The following KMT2E variants were observed in gnomAD, a reference collection of about 807,000 sequenced individuals.
KMT2E encodes histone reader KMT2E.
In KMT2E, 30 loss-of-function variants were observed where a neutral mutation model predicts 184.6. The ratio of observed to expected loss-of-function variants is 0.16; its 90% CI spans 0.12 to 0.22. KMT2E has a LOEUF of 0.22. Ranked by LOEUF, KMT2E falls within the 10% of genes least tolerant of loss-of-function variation. The pLI is 1.00. For synonymous variants in KMT2E, 815 were observed against 776.5 expected, an observed-to-expected ratio of 1.05 and a Z score of -0.82; for missense variants, 2,023 against 2,237.4, an observed-to-expected ratio of 0.90 and a Z score of 1.93.
At chr7:105,067,027 A>G (rs1797053350) in intron 6 of KMT2E, among the ~76,000 whole-genome samples, 1 of 146,644 alleles carries the variant, frequency 6.8e-6, no homozygotes, top group Non-Finnish European at 1.5e-5. Context: ...ACTGCACTCC[A>G]GCCTGGGTGA....
chr7:105,023,309 G>A lies in KMT2E; in HGVS notation c.-189+8774G>A, dbSNP rs374625124. 2.7e-5 allele frequency among the ~76,000 whole-genome samples: 4 copies of A among 149,246 alleles called. No homozygotes were observed. In the East Asian group the frequency reaches 6.2e-4, roughly 23 times the overall value. ...CCCAGCTACTTGGGAGGCTGGGGCA[G>A]GACAATCGCTTGAACCTGGGAGGCA... On this transcript the variant is annotated intron_variant, in intron 1 of 26. Transcript: ENST00000311117.
intron 26 of KMT2E, 115 bp downstream of exon 26, chr7:105,110,983 TG>T: frequency 1.4e-6 from 1 of 700,748 alleles, no homozygotes. Flanking sequence ...TTGTGACTTC[TG>T]GACACTTTTC....
chr7:105,101,832 A>C (rs1025764334), intron 16 of KMT2E, 54 bp from the exon 17 acceptor site: 1 of 1,349,834 alleles, frequency 7.4e-7, no homozygotes, highest in Non-Finnish European at 1.0e-6. Context: ...TATTATATTT[A>C]AACTTTATAT....
chr7:105,030,247 T>C (rs1212418546), intron 1 of KMT2E, among the ~76,000 whole-genome samples: 1 of 152,178 alleles, frequency 6.6e-6, no homozygotes, highest in Non-Finnish European at 1.5e-5. Flanking sequence ...TATTTACAGG[T>C]GAGGAAACAG....
chr7:105,107,064 C>A, intron 20 of KMT2E, 102 bp from the exon 21 acceptor site: 1 of 719,332 alleles, frequency 1.4e-6, no homozygotes, highest in Non-Finnish European at 2.2e-6. Context: ...AGATCTAAAA[C>A]TAAAGTCTGT....
In KMT2E at chr7:105,086,196, A is replaced by T. The variant is rs955780652; in HGVS notation, c.1359-3813A>T. Reference sequence around the variant, plus strand: ...CATTTCACTATTGACCTTTATATTGACAAAAGAATGCTCCTAGGGCTTTCT... The same window carrying T: ...CATTTCACTATTGACCTTTATATTGTCAAAAGAATGCTCCTAGGGCTTTCT... On this transcript the variant is annotated intron_variant, in intron 13 of 26. Coordinates refer to ENST00000311117, the MANE Select transcript of KMT2E (RefSeq NM_182931.3). Among the ~76,000 whole-genome samples, 48 of 152,022 alleles carry T rather than the reference A, an allele frequency of 3.2e-4. 1 individual carries two copies. Among genetic ancestry groups the T allele is most frequent in the African/African-American group, 1.1e-3 (47 of 41,380 alleles).
intron 18 of KMT2E, 50 bp from the exon 19 acceptor site, chr7:105,105,808 TA>T (rs771631866): frequency 2.1e-5 from 34 of 1,585,688 alleles, no homozygotes; most frequent in Non-Finnish European, 5.1e-6. Flanking sequence ...ACAGGCTATA[TA>T]AACAGCTACA....
intron 3 of KMT2E, among the ~76,000 whole-genome samples, chr7:105,046,353 T>C (rs1289138254): frequency 6.6e-6 from 1 of 152,216 alleles, no homozygotes; most frequent in Non-Finnish European, 1.5e-5. Context: ...AGACTCCTTT[T>C]AATAGTATGC....
At chr7:105,047,508 C>T (rs967174782) in intron 3 of KMT2E, among the ~76,000 whole-genome samples, 8 of 152,140 alleles carry the variant, frequency 5.3e-5, no homozygotes, top group African/African-American at 1.4e-4. Flanking sequence ...ATCAGTAATT[C>T]TGTATTGTTA....
chr7:105,087,023 T>C (rs1798000377), intron 13 of KMT2E, among the ~76,000 whole-genome samples: 1 of 143,512 alleles, frequency 7.0e-6, no homozygotes, highest in African/African-American at 2.6e-5. Flanking sequence ...ATATAGCATA[T>C]AATATAATAT....
At chr7:105,021,153 A>AG (rs1794933172) in intron 1 of KMT2E, among the ~76,000 whole-genome samples, 1 of 152,230 alleles carries the variant, frequency 6.6e-6, no homozygotes, top group African/African-American at 2.4e-5. Context: ...TTGAATGGTT[A>AG]GGACTGTGGT....
intron 1 of KMT2E, among the ~76,000 whole-genome samples, chr7:105,021,854 T>C (rs964365430): frequency 1.3e-5 from 2 of 152,106 alleles, no homozygotes; most frequent in African/African-American, 2.4e-5. Flanking sequence ...ACACACATGA[T>C]GAGGAATGCT....
chr7:105,080,255 TCTA>T (rs1355598773), intron 12 of KMT2E, among the ~76,000 whole-genome samples: 1 of 152,224 alleles, frequency 6.6e-6, no homozygotes, highest in Non-Finnish European at 1.5e-5. Flanking sequence ...TTTTGTATGT[TCTA>T]CTGTAAAATT....
At position 105,107,523 on chromosome 7, in the gene KMT2E, C is replaced by A; in HGVS notation, c.3066C>A (p.Asp1022Glu). The A allele has an allele frequency of 6.2e-7, 1 of 1,614,118 alleles. No individual in the cohort carries two copies. Among genetic ancestry groups the A allele is most frequent in the Non-Finnish European group, 8.5e-7 (1 of 1,180,010 alleles). The change falls in exon 22 of 27, where the codon GAC becomes GAA. Residue 1022 changes from aspartate (D) to glutamate (E), a missense_variant. Around this residue, in one of 8 missense-constraint regions of KMT2E, gnomAD observed 1,108 missense variants for 1,050.9 expected, o/e 1.05. Coordinates refer to ENST00000311117, the MANE Select transcript of KMT2E (RefSeq NM_182931.3). ...CTGGAGAAAAGGAACCTGTGTCAGA[C>A]CTTCAGCTAGGACTCGATGCAGTTG... ...QCPGEKEPVS[D>E]LQLGLDAVEP...
At chr7:105,107,090 T>G in intron 20 of KMT2E, 76 bp from the exon 21 acceptor site, 2 of 840,934 alleles carry the variant, frequency 2.4e-6, no homozygotes, top group Non-Finnish European at 3.7e-6. Flanking sequence ...TTTCATTTTG[T>G]TTTCATTTCT....
intron 3 of KMT2E, among the ~76,000 whole-genome samples, chr7:105,060,963 A>G (rs1166385270): frequency 1.3e-5 from 2 of 152,214 alleles, no homozygotes; most frequent in African/African-American, 4.8e-5. Context: ...AAATCACCTA[A>G]TGATGTATTT....
chr7:105,083,732 T>C (rs929275026), intron 13 of KMT2E, among the ~76,000 whole-genome samples: 2 of 152,180 alleles, frequency 1.3e-5, no homozygotes, highest in African/African-American at 4.8e-5. Flanking sequence ...CCCCCCAGAA[T>C]AGGACATTTG....
intron 9 of KMT2E, among the ~76,000 whole-genome samples, 181 bp downstream of exon 9, chr7:105,076,262 CTG>C (rs372439913): frequency 9.2e-5 from 14 of 152,248 alleles, no homozygotes; most frequent in African/African-American, 2.6e-4. Context: ...GTAGTTAACA[CTG>C]TTAAAATATT....
rs776583618 is a variant in KMT2E at position 105,113,219 on chromosome 7, A to C, written c.5463A>C (p.Pro1821=). ...CTCATCCTGGCTCTGTGGCCCTGCCACATGGGGTTCAAGGACCTCAGCAGG... is the reference window on the plus strand; with the variant it reads ...CTCATCCTGGCTCTGTGGCCCTGCCCCATGGGGTTCAAGGACCTCAGCAGG... ...FCPHPGSVAL[P]HGVQGPQQAS... is the part of the protein sequence containing the mutation. Residue 1821 remains proline (P), a synonymous_variant, in exon 27 of 27, where the codon CCA becomes CCC. Coordinates refer to ENST00000311117, the MANE Select transcript of KMT2E (RefSeq NM_182931.3). 7 of 1,614,114 alleles carry C rather than the reference A, an allele frequency of 4.3e-6. No individual in the cohort carries two copies. In the African/African-American group the frequency reaches 8.0e-5, roughly 18 times the overall value.
Sources: allele counts gnomAD v4.1 joint callset (sites outside exome capture counted in the v4.1 genomes callset), GRCh38; gene constraint gnomAD v4.1.1; regional missense constraint gnomAD v4.1.1; transcripts MANE v1.5; gene names NCBI Gene and HGNC (gene_info 2026-07-23, HGNC 2026-07-21).